Variants in KRTAP10-2 observed in about 807,000 individuals in gnomAD.
The protein encoded by KRTAP10-2 is keratin associated protein 10-2.
For missense variants in KRTAP10-2, 295 were observed against 319.5 expected (o/e 0.92, Z 0.58); for synonymous variants, 134 against 135.5 (o/e 0.99, Z 0.08).
At position 44,551,324 on chromosome 21, in the gene KRTAP10-2, C is replaced by T. The variant is rs782717977; in HGVS notation, c.135G>A (p.Leu45=). 10 of 1,613,182 alleles carry T rather than the reference C, an allele frequency of 6.2e-6. No individual in the cohort carries two copies. The Admixed American group carries it at 1.5e-4, about 24-fold the overall frequency. Residue 45 remains leucine (L), a synonymous_variant, in exon 1 of 1, where the codon CTG becomes CTA. Coordinates refer to ENST00000391621, the MANE Select transcript of KRTAP10-2 (RefSeq NM_198693.4). The part of the protein sequence containing the change: ...SCCAPAPCLT[L]VCTPVSCVSS... ...ACACACAGCTCACTGGGGTGCAGAC[C>T]AGGGTCAGGCAGGGGGCTGGGGCAC...
In KRTAP10-2 at chr21:44,550,492, C is replaced by T. The variant is rs112903641; in HGVS notation, c.*199G>A. The T allele has an allele frequency of 3.5e-5, 25 of 714,538 alleles. No individual in the cohort carries two copies. The Middle Eastern group carries it at 1.6e-3, about 46-fold the overall frequency. 44.3% of individuals were successfully genotyped at this position (714,538 alleles called of 1,614,324 possible). Reference sequence around the variant, plus strand: ...GTTGTGGTCTGCAGCCAGGAAGCACCGTGAGGAGAAGCCAGGGCTCGCCCG... The same window carrying T: ...GTTGTGGTCTGCAGCCAGGAAGCACTGTGAGGAGAAGCCAGGGCTCGCCCG... On this transcript the variant is annotated 3_prime_UTR_variant, in exon 1 of 1. Coordinates refer to ENST00000391621, the MANE Select transcript of KRTAP10-2 (RefSeq NM_198693.4).
chr21:44,550,447 C>G lies in KRTAP10-2; in HGVS notation c.*244G>C. 1 of 677,040 alleles carries G rather than the reference C, an allele frequency of 1.5e-6. No individual in the cohort carries two copies. The highest frequency in any genetic ancestry group is 2.5e-6 in the Non-Finnish European group (1 of 401,198). The allele number at this position is 677,040 out of a possible 1,614,324, so 41.9% of individuals were successfully genotyped here. On this transcript the variant is annotated 3_prime_UTR_variant, in exon 1 of 1. Coordinates refer to ENST00000391621, the MANE Select transcript of KRTAP10-2 (RefSeq NM_198693.4). ...GTCAGGAGGGCCCATCCCCAACCAG[C>G]GACCAGCGACCAGCGGAGGGTTGTG...
chr21:44,550,926 C>G lies in KRTAP10-2; in HGVS notation c.533G>C (p.Cys178Ser), dbSNP rs1267525714. Residue 178 changes from cysteine to serine, a missense_variant, in exon 1 of 1, where the codon TGT becomes TCT. Coordinates refer to ENST00000391621, the MANE Select transcript of KRTAP10-2 (RefSeq NM_198693.4). ...GACGGACACACAGCAGGACTGCTGA[C>G]ACGGGGAGGAGGTGCAGCAAGCCGG... ...CQPACCTSSP[C>S]QQSCCVSVCC... 4.8e-6 allele frequency: 7 copies of G among 1,472,406 alleles called. No individual in the cohort carries two copies. The highest frequency in any genetic ancestry group is 6.4e-6 in the Non-Finnish European group (7 of 1,089,318). 91.2% of individuals were successfully genotyped at this position (1,472,406 alleles called of 1,614,324 possible).
Position 44,550,819 on chromosome 21 carries a change from T to C in KRTAP10-2, c.640A>G (p.Ser214Gly), listed in dbSNP as rs782030189. The change falls in exon 1 of 1, where the codon AGC becomes GGC. Residue 214 changes from serine (S) to glycine (G), a missense_variant. Transcript: ENST00000391621. ...GAGGTGCAGCAAGCTGGCTGGCAGC[T>C]AGACTGCTGGCAGCACGGAGAGGAA... ...GASSPCCQQS[S>G]CQPACCTSSC... The C allele has an allele frequency of 1.3e-6, 2 of 1,535,156 alleles. No homozygotes were observed. The highest frequency in any genetic ancestry group is 8.9e-7 in the Non-Finnish European group (1 of 1,129,718).
chr21:44,551,222 G>A lies in KRTAP10-2; in HGVS notation c.237C>T (p.Cys79=), dbSNP rs1298433234. Residue 79 remains cysteine (C), a synonymous_variant, in exon 1 of 1, where the codon TGC becomes TGT. Coordinates refer to ENST00000391621, the MANE Select transcript of KRTAP10-2 (RefSeq NM_198693.4). The part of the protein sequence containing the change: ...SGCTSSCTPS[C]CQQSSCQPAC... ...CCGGCTGGCAGCTAGACTGCTGGCA[G>A]CACGAGGGCGTGCAGGAGCTGGTGC... 1.6e-5 allele frequency: 25 copies of A among 1,590,726 alleles called. No individual in the cohort carries two copies. Among genetic ancestry groups the A allele is most frequent in the Non-Finnish European group, 2.1e-5 (24 of 1,159,818 alleles).
rs769957792 is a variant in KRTAP10-2 at position 44,550,364 on chromosome 21, G to A, written c.*327C>T. 170 of 487,484 alleles carry A rather than the reference G, an allele frequency of 3.5e-4. No individual in the cohort carries two copies. Among genetic ancestry groups the A allele is most frequent in the Non-Finnish European group, 5.1e-4 (133 of 261,732 alleles). The allele number at this position is 487,484 out of a possible 1,614,324, so 30.2% of individuals were successfully genotyped here. On this transcript the variant is annotated 3_prime_UTR_variant, in exon 1 of 1. Transcript: ENST00000391621. ...AGTCAGCACGGAGTCAGCTGGGGCC[G>A]CAGACGCTTTATTGGTGCTCAGAGG...
rs1296026201 is a variant in KRTAP10-2, at chr21:44,551,370, G to T, written c.89C>A (p.Pro30His). 2 of 1,613,132 alleles carry T rather than the reference G, an allele frequency of 1.2e-6. No homozygotes were observed. The highest frequency in any genetic ancestry group is 1.7e-6 in the Non-Finnish European group (2 of 1,179,956). ...DDCPESCCEL[P>H]CGTPSCCAPA... ...GGCACAGCAGCTGGGGGTGCCGCAG[G>T]GGAGCTCACAGCAGCTCTCTGGGCA... The change falls in exon 1 of 1, where the codon CCC (proline) becomes CAC (histidine). Residue 30 changes from proline (P) to histidine (H), a missense_variant. Pro to His is a moderately conservative substitution (Grantham distance 77). Coordinates refer to ENST00000391621, the MANE Select transcript of KRTAP10-2 (RefSeq NM_198693.4).
Position 44,551,300 on chromosome 21 carries a change from C to G in KRTAP10-2, c.159G>C (p.Val53=), listed in dbSNP as rs587703858. The change falls in exon 1 of 1, where the codon GTG becomes GTC. Residue 53 remains valine (V), a synonymous_variant. Coordinates refer to ENST00000391621, the MANE Select transcript of KRTAP10-2 (RefSeq NM_198693.4). ...LTLVCTPVSC[V]SSPCCQAACE... ...AGGCCGCCTGGCAGCAGGGGCTGGA[C>G]ACACAGCTCACTGGGGTGCAGACCA... 1.4e-5 allele frequency: 22 copies of G among 1,613,438 alleles called. No homozygotes were observed. The South Asian group carries it at 2.4e-4, about 18-fold the overall frequency.
In KRTAP10-2 at chr21:44,551,328, G is replaced by C. The variant is rs782002498; in HGVS notation, c.131C>G (p.Thr44Ser). 6 of 1,613,258 alleles carry C rather than the reference G, an allele frequency of 3.7e-6. No individual in the cohort carries two copies. The highest frequency in any genetic ancestry group is 4.2e-6 in the Non-Finnish European group (5 of 1,179,940). ...ACAGCTCACTGGGGTGCAGACCAGG[G>C]TCAGGCAGGGGGCTGGGGCACAGCA... ...PSCCAPAPCL[T>S]LVCTPVSCVS... Residue 44 changes from threonine to serine, a missense_variant, in exon 1 of 1, where the codon ACC (threonine) becomes AGC (serine). By Grantham distance (58) the Thr-to-Ser change is moderately conservative. Transcript: ENST00000391621.
In KRTAP10-2 at chr21:44,550,733, T is replaced by C. The variant is rs782665615; in HGVS notation, c.726A>G (p.Pro242=). The C allele has an allele frequency of 6.2e-7, 1 of 1,613,780 alleles. No individual in the cohort carries two copies. Among genetic ancestry groups the C allele is most frequent in the African/African-American group, 1.3e-5 (1 of 74,828 alleles). The change falls in exon 1 of 1, where the codon CCA becomes CCG. Residue 242 remains proline, a synonymous_variant. Coordinates refer to ENST00000391621, the MANE Select transcript of KRTAP10-2 (RefSeq NM_198693.4). The part of the protein sequence containing the change: ...SLLCRPVCSR[P]ASCSFSSGQK... ...GGCCTGAGGAAAAGCTGCAGGAGGC[T>C]GGGCGGGAGCACACGGGGCGGCAGA...
rs1555918439 is a variant in KRTAP10-2 at position 44,550,633 on chromosome 21, T to C, written c.*58A>G. ...TGCTGAGGCTGGGTGGGCTGGGAGG[T>C]CCAAGGACTGGCAGGGAGGTGGGGC... On this transcript the variant is annotated 3_prime_UTR_variant, in exon 1 of 1. Transcript: ENST00000391621. 1 of 1,591,520 alleles carries C rather than the reference T, an allele frequency of 6.3e-7. No homozygotes were observed. The highest frequency in any genetic ancestry group is 8.6e-7 in the Non-Finnish European group (1 of 1,168,930).
In KRTAP10-2 at chr21:44,551,316, G is replaced by T; in HGVS notation, c.143C>A (p.Thr48Asn). Residue 48 changes from threonine (T) to asparagine (N), a missense_variant, in exon 1 of 1, where the codon ACC becomes AAC. By Grantham distance (65) the Thr-to-Asn change is moderately conservative (BLOSUM62 0). Coordinates refer to ENST00000391621, the MANE Select transcript of KRTAP10-2 (RefSeq NM_198693.4). ...GGGGCTGGACACACAGCTCACTGGGGTGCAGACCAGGGTCAGGCAGGGGGC... is the reference window on the plus strand; with the variant it reads ...GGGGCTGGACACACAGCTCACTGGGTTGCAGACCAGGGTCAGGCAGGGGGC... ...APAPCLTLVCTPVSCVSSPCC... is the reference protein window; with the variant it reads ...APAPCLTLVCNPVSCVSSPCC... 4 of 1,613,330 alleles carry T rather than the reference G, an allele frequency of 2.5e-6. No homozygotes were observed. The highest frequency in any genetic ancestry group is 3.4e-6 in the Non-Finnish European group (4 of 1,179,936).
In KRTAP10-2 at chr21:44,551,501, A is replaced by AGTGAGTGTGTGT. The variant is rs782296890; in HGVS notation, c.-44_-43insACACACACTCAC. 9.5e-6 allele frequency: 15 copies of AGTGAGTGTGTGT among 1,570,738 alleles called. No individual in the cohort carries two copies. The highest frequency in any genetic ancestry group is 1.4e-5 in the African/African-American group (1 of 73,944). On this transcript the variant is annotated 5_prime_UTR_variant, in exon 1 of 1. Transcript: ENST00000391621. ...GTGAGCTGGGGGAGGTGTGTGAGTG[A>AGTGAGTGTGTGT]GTGAGTGTGTGTGTGAGTGTGTGAG...
Position 44,550,468 on chromosome 21 carries a change from T to C in KRTAP10-2, c.*223A>G, listed in dbSNP as rs1555918382. 4.1e-6 allele frequency: 3 copies of C among 730,336 alleles called. No homozygotes were observed. Among genetic ancestry groups the C allele is most frequent in the Non-Finnish European group, 4.5e-6 (2 of 443,772 alleles). The allele number at this position is 730,336 out of a possible 1,614,324, so 45.2% of individuals were successfully genotyped here. A position where few individuals can be genotyped will look rare whatever the true frequency, so the allele number is the denominator to read the frequency against. On this transcript the variant is annotated 3_prime_UTR_variant, in exon 1 of 1. Coordinates refer to ENST00000391621, the MANE Select transcript of KRTAP10-2 (RefSeq NM_198693.4). ...CCAGCGACCAGCGACCAGCGGAGGG[T>C]TGTGGTCTGCAGCCAGGAAGCACCG...
Position 44,551,219 on chromosome 21 carries a change from G to A in KRTAP10-2, c.240C>T (p.Cys80=). ...AAGCCGGCTGGCAGCTAGACTGCTG[G>A]CAGCACGAGGGCGTGCAGGAGCTGG... The part of the protein sequence containing the change: ...GCTSSCTPSC[C]QQSSCQPACC... The change falls in exon 1 of 1, where the codon TGC becomes TGT. Residue 80 remains cysteine, a synonymous_variant. Coordinates refer to ENST00000391621, the MANE Select transcript of KRTAP10-2 (RefSeq NM_198693.4). 1 of 1,590,630 alleles carries A rather than the reference G, an allele frequency of 6.3e-7. No homozygotes were observed. The highest frequency in any genetic ancestry group is 8.6e-7 in the Non-Finnish European group (1 of 1,159,608).
At position 44,550,895 on chromosome 21, in the gene KRTAP10-2, G is replaced by A. The variant is rs782475851; in HGVS notation, c.564C>T (p.Cys188=). 11 of 1,406,994 alleles carry A rather than the reference G, an allele frequency of 7.8e-6. No homozygotes were observed. The highest frequency in any genetic ancestry group is 2.2e-5 in the Admixed American group (1 of 45,940). The allele number at this position is 1,406,994 out of a possible 1,614,324, so 87.2% of individuals were successfully genotyped here. A position where few individuals can be genotyped will look rare whatever the true frequency, so the allele number is the denominator to read the frequency against. The change falls in exon 1 of 1, where the codon TGC becomes TGT. Residue 188 remains cysteine (C), a synonymous_variant. Transcript: ENST00000391621. The part of the protein sequence containing the change: ...CQQSCCVSVC[C]KPVCCKSICC... ...AGATGGACTTGCAGCAGACAGGCTT[G>A]CAGCAGACGGACACACAGCAGGACT...
Position 44,550,524 on chromosome 21 carries a change from G to A in KRTAP10-2, c.*167C>T, listed in dbSNP as rs587769456. ...AGAAGCCAGGGCTCGCCCGCCCGGC[G>A]GGAGGTCAGAGAGGAGCCAGTGAGC... On this transcript the variant is annotated 3_prime_UTR_variant, in exon 1 of 1. Coordinates refer to ENST00000391621, the MANE Select transcript of KRTAP10-2 (RefSeq NM_198693.4). 4.6e-5 allele frequency: 48 copies of A among 1,051,394 alleles called. No homozygotes were observed. The highest frequency in any genetic ancestry group is 3.2e-4 in the Middle Eastern group (1 of 3,174). 65.1% of individuals were successfully genotyped at this position (1,051,394 alleles called of 1,614,324 possible).
In KRTAP10-2 at chr21:44,551,323, C is replaced by T; in HGVS notation, c.136G>A (p.Val46Ile). ...GACACACAGCTCACTGGGGTGCAGA[C>T]CAGGGTCAGGCAGGGGGCTGGGGCA... ...CCAPAPCLTLVCTPVSCVSSP... is the reference protein window; with the variant it reads ...CCAPAPCLTLICTPVSCVSSP... Residue 46 changes from valine to isoleucine, a missense_variant, in exon 1 of 1, where the codon GTC (valine) becomes ATC (isoleucine). By Grantham distance (29) the Val-to-Ile change is conservative. Transcript: ENST00000391621. The T allele has an allele frequency of 1.2e-6, 2 of 1,613,240 alleles. No individual in the cohort carries two copies. The highest frequency in any genetic ancestry group is 2.2e-5 in the South Asian group (2 of 91,022).
rs478967 is a variant in KRTAP10-2, at chr21:44,551,140, G to A, written c.319C>T (p.Pro107Ser). Reference protein sequence around the residue: ...QACCVPVCCKPVCCVPVCCGA... With the variant: ...QACCVPVCCKSVCCVPVCCGA... Reference sequence around the variant, plus strand: ...CAGCAGACGGGCACACAGCACACAGGCTTGCAGCAGACGGGCACGCAGCAG... The same window carrying A: ...CAGCAGACGGGCACACAGCACACAGACTTGCAGCAGACGGGCACGCAGCAG... Residue 107 changes from proline to serine, a missense_variant, in exon 1 of 1, where the codon CCT becomes TCT. By Grantham distance (74) the Pro-to-Ser change is moderately conservative. Transcript: ENST00000391621. 6.2e-7 allele frequency: 1 copy of A among 1,612,152 alleles called. No individual in the cohort carries two copies. The highest frequency in any genetic ancestry group is 1.1e-5 in the South Asian group (1 of 90,996).
Sources: allele counts gnomAD v4.1 joint callset, GRCh38; gene constraint gnomAD v4.1.1; transcripts MANE v1.5; gene names NCBI Gene and HGNC (gene_info 2026-07-23, HGNC 2026-07-21).